Variants in RAB3GAP2 observed in about 807,000 individuals in gnomAD.
RAB3GAP2 encodes the protein RAB3 GTPase activating non-catalytic protein subunit 2, also known as rab3 GTPase-activating protein non-catalytic subunit.
A neutral mutation model predicts 185.3 loss-of-function variants in RAB3GAP2; 87 were observed. The observed-to-expected ratio is 0.47, with a 90% CI of 0.39 to 0.56. The LOEUF (loss-of-function observed/expected upper bound fraction) is 0.56, where lower values mean the gene tolerates loss of function less well. Among genes scored for constraint, RAB3GAP2 ranks in the 20% least tolerant of loss-of-function variants. The probability of loss-of-function intolerance (pLI) is 0.00; values close to 1 mark genes in which losing one functional copy is unlikely to be tolerated. For missense variants in RAB3GAP2, 1,492 were observed against 1,638.2 expected (o/e 0.91, Z 1.54); for synonymous variants, 554 against 576.1 (o/e 0.96, Z 0.55).
At chr1:220,216,922 T>C (rs1659211835) in intron 2 of RAB3GAP2, among the ~76,000 whole-genome samples, 1 of 152,164 alleles carries the variant, frequency 6.6e-6, no homozygotes, top group African/African-American at 2.4e-5. Context: ...GTTCCTATGT[T>C]TCTGTCCCAT....
chr1:220,162,147 T>A, intron 28 of RAB3GAP2, 51 bp downstream of exon 28: 1 of 1,306,942 alleles, frequency 7.7e-7, no homozygotes, highest in Non-Finnish European at 1.1e-6. Flanking sequence ...CTAATATTAG[T>A]CAAATAAGAG....
chr1:220,161,469 G>A (rs550830161), intron 28 of RAB3GAP2, among the ~76,000 whole-genome samples: 83 of 152,302 alleles, frequency 5.4e-4, no homozygotes, highest in African/African-American at 1.7e-3. Flanking sequence ...AGGCTAGGCT[G>A]GTACTGTCGG....
At chr1:220,175,810 C>A (rs1190072154) in intron 21 of RAB3GAP2, among the ~76,000 whole-genome samples, 2 of 152,184 alleles carry the variant, frequency 1.3e-5, no homozygotes, top group Admixed American at 1.3e-4. Flanking sequence ...CCCTAGGTTA[C>A]CTCCTTCTAT....
intron 1 of RAB3GAP2, among the ~76,000 whole-genome samples, chr1:220,261,084 G>A (rs1393943192): frequency 3.9e-5 from 6 of 152,100 alleles, no homozygotes; most frequent in Non-Finnish European, 8.8e-5. Flanking sequence ...AAAAAGGGGG[G>A]GCAATGTGGT....
At chr1:220,169,483 T>C (rs1658135544) in intron 24 of RAB3GAP2, among the ~76,000 whole-genome samples, 1 of 152,220 alleles carries the variant, frequency 6.6e-6, no homozygotes, top group Non-Finnish European at 1.5e-5. Context: ...GAGAAGCATT[T>C]GAGCTGGACC....
intron 4 of RAB3GAP2, chr1:220,211,432 A>C (rs1216525236): frequency 4.4e-6 from 2 of 459,348 alleles, no homozygotes; most frequent in African/African-American, 4.0e-5. Flanking sequence ...ATGGTTGAGG[A>C]ACTGCCAGTC....
chr1:220,232,822 C>A lies in RAB3GAP2; in HGVS notation c.157G>T (p.Glu53Ter). 1 of 1,613,826 alleles carries A rather than the reference C, an allele frequency of 6.2e-7. No individual in the cohort carries two copies. The highest frequency in any genetic ancestry group is 8.5e-7 in the Non-Finnish European group (1 of 1,179,818). Residue 53 changes from glutamate to a stop codon, truncating the protein, a stop_gained, in exon 2 of 35, where the codon GAA becomes TAA. Coordinates refer to ENST00000358951, the MANE Select transcript of RAB3GAP2 (RefSeq NM_012414.4). LOFTEE classifies it high-confidence loss of function. ...ACAGGTTCTTGTGGTTCATTTTCTT[C>A]CCATGCTCCCCAACCATCATCTTCC... ...DWEDDGWGAWEENEPQEPEEE... is the reference protein window; with the variant it reads ...DWEDDGWGAW
intron 1 of RAB3GAP2, among the ~76,000 whole-genome samples, chr1:220,244,194 T>C (rs747328941): frequency 4.6e-5 from 7 of 152,164 alleles, no homozygotes; most frequent in South Asian, 2.1e-4. Context: ...ATCTGATAAG[T>C]GAATTCAGTA....
intron 1 of RAB3GAP2, among the ~76,000 whole-genome samples, chr1:220,254,824 G>A (rs1352649285): frequency 2.0e-5 from 3 of 151,524 alleles, no homozygotes; most frequent in Non-Finnish European, 2.9e-5. Flanking sequence ...TTTGAATGCT[G>A]GTGGTTCTAT....
chr1:220,160,192 G>A (rs537281358), intron 28 of RAB3GAP2, among the ~76,000 whole-genome samples: 45 of 152,272 alleles, frequency 3.0e-4, no homozygotes, highest in African/African-American at 1.0e-3. Context: ...ATTTCCTTAC[G>A]CAATAAGTAC....
chr1:220,186,968 C>A (rs568202002), intron 17 of RAB3GAP2, among the ~76,000 whole-genome samples: 1 of 152,156 alleles, frequency 6.6e-6, no homozygotes, highest in Admixed American at 6.5e-5. Flanking sequence ...GAGACTTTAC[C>A]CTGAGCAAAA....
At chr1:220,153,059 T>G in intron 33 of RAB3GAP2, 126 bp downstream of exon 33, 2 of 759,890 alleles carry the variant, frequency 2.6e-6, no homozygotes, top group Non-Finnish European at 4.7e-6. Context: ...TATTGTTCTA[T>G]TTTTATACCT....
intron 31 of RAB3GAP2, among the ~76,000 whole-genome samples, chr1:220,155,757 G>T (rs982366855): frequency 1.3e-5 from 2 of 152,188 alleles, no homozygotes; most frequent in Admixed American, 1.3e-4. Context: ...GTCTCAGGTA[G>T]TCTTGGCATG....
chr1:220,190,531 C>T lies in RAB3GAP2; in HGVS notation c.1488-11G>A. The T allele has an allele frequency of 6.3e-7, 1 of 1,581,928 alleles. No homozygotes were observed. Among genetic ancestry groups the T allele is most frequent in the Non-Finnish European group, 8.7e-7 (1 of 1,150,800 alleles). ...CCAGGATACAGCAGCCTAAAGAAAT[C>T]ACATACCAATATGGTAAAAATATTA... On this transcript the variant is annotated splice_polypyrimidine_tract_variant and intron_variant, in intron 14 of 34. Transcript: ENST00000358951.
intron 1 of RAB3GAP2, chr1:220,266,376 C>G: frequency 2.4e-6 from 1 of 418,052 alleles, no homozygotes; most frequent in Non-Finnish European, 4.5e-6. Context: ...TGGTCACTTT[C>G]CCCATAGCCA....
chr1:220,227,543 T>C (rs556800344), intron 2 of RAB3GAP2, among the ~76,000 whole-genome samples: 19 of 152,344 alleles, frequency 1.2e-4, no homozygotes, highest in African/African-American at 4.1e-4. Context: ...TTGGCCTCCA[T>C]GTCAGCATTC....
intron 1 of RAB3GAP2, among the ~76,000 whole-genome samples, chr1:220,249,255 C>T (rs1659885338): frequency 6.6e-6 from 1 of 152,104 alleles, no homozygotes; most frequent in Non-Finnish European, 1.5e-5. Context: ...TCCCTAAAGA[C>T]TTGTTGAATG....
At chr1:220,247,992 A>G (rs1217744190) in intron 1 of RAB3GAP2, among the ~76,000 whole-genome samples, 1 of 151,716 alleles carries the variant, frequency 6.6e-6, no homozygotes, top group Non-Finnish European at 1.5e-5. Context: ...AACAAAAACC[A>G]ATAAAATAAT....
At chr1:220,233,560 A>T (rs960712686) in intron 1 of RAB3GAP2, among the ~76,000 whole-genome samples, 2 of 152,128 alleles carry the variant, frequency 1.3e-5, no homozygotes, top group African/African-American at 4.8e-5. Context: ...ATTTTTGAAC[A>T]ACTACTCTGA....
Sources: allele counts gnomAD v4.1 joint callset (sites outside exome capture counted in the v4.1 genomes callset), GRCh38; gene constraint gnomAD v4.1.1; transcripts MANE v1.5; gene names NCBI Gene and HGNC (gene_info 2026-07-23, HGNC 2026-07-21).